Variants in PRKG1 observed in about 807,000 individuals in gnomAD.
PRKG1 encodes the protein cGMP-dependent protein kinase 1.
A neutral mutation model predicts 88.1 loss-of-function variants in PRKG1; 35 were observed. The observed-to-expected ratio is 0.40, with a 90% CI of 0.30 to 0.53. The LOEUF (loss-of-function observed/expected upper bound fraction) is 0.53, where lower values mean the gene tolerates loss of function less well. Ranked by LOEUF, PRKG1 falls within the 20% of genes least tolerant of loss-of-function variation. The pLI, the probability that PRKG1 is intolerant of heterozygous loss-of-function variation, is 0.59. For missense variants in PRKG1, 540 were observed against 839.8 expected, an observed-to-expected ratio of 0.64 and a Z score of 4.41; for synonymous variants, 303 against 292.5, an observed-to-expected ratio of 1.04 and a Z score of -0.37.
intron 9 of PRKG1, among the ~76,000 whole-genome samples, chr10:52,184,051 C>T (rs181644427): frequency 3.4e-4 from 52 of 152,272 alleles, no homozygotes; most frequent in African/African-American, 1.2e-3. Flanking sequence ...CCATGGGTGC[C>T]TCACTATTTC....
intron 5 of PRKG1, among the ~76,000 whole-genome samples, chr10:51,969,588 A>T (rs1253388424): frequency 6.6e-6 from 1 of 152,114 alleles, no homozygotes; most frequent in African/African-American, 2.4e-5. Context: ...TCCTATAGAA[A>T]AATAGCAAAA....
At chr10:52,279,468 G>T (rs975086968) in intron 12 of PRKG1, among the ~76,000 whole-genome samples, 1 of 152,090 alleles carries the variant, frequency 6.6e-6, no homozygotes, top group Non-Finnish European at 1.5e-5. Flanking sequence ...CTTAGGAAAA[G>T]CTGGTTATTT....
At position 51,138,079 on chromosome 10, in the gene PRKG1, C is replaced by T. The variant is rs569648102; in HGVS notation, c.312-15085C>T. 6.6e-5 allele frequency among the ~76,000 whole-genome samples: 10 copies of T among 152,212 alleles called. No homozygotes were observed. In the South Asian group the frequency reaches 1.4e-3, roughly 22 times the overall value. On this transcript the variant is annotated intron_variant, in intron 1 of 17. Transcript: ENST00000373980. ...TTACTTTTTACTTGTAGATTTACTC[C>T]TCATTATGTTTTCAAAAGAATGTAA...
intron 7 of PRKG1, among the ~76,000 whole-genome samples, chr10:52,089,748 C>G (rs538983165): frequency 1.1e-4 from 17 of 151,334 alleles, no homozygotes; most frequent in African/African-American, 4.1e-4. Context: ...GAAGCAGTGA[C>G]ACCCTCATAG....
chr10:51,868,426 GT>G (rs1377825345), intron 4 of PRKG1, among the ~76,000 whole-genome samples: 1 of 152,122 alleles, frequency 6.6e-6, no homozygotes, highest in African/African-American at 2.4e-5. Flanking sequence ...TGGTAGCATT[GT>G]TTGTGGCAAA....
At chr10:52,178,166 T>TTCTTAA (rs1838916209) in intron 9 of PRKG1, among the ~76,000 whole-genome samples, 1 of 152,056 alleles carries the variant, frequency 6.6e-6, no homozygotes, top group Non-Finnish European at 1.5e-5. Context: ...AATGCTTTGC[T>TTCTTAA]GTGTCCCATA....
At chr10:52,027,894 T>C (rs538753201) in intron 5 of PRKG1, among the ~76,000 whole-genome samples, 9 of 152,256 alleles carry the variant, frequency 5.9e-5, no homozygotes, top group African/African-American at 2.2e-4. Flanking sequence ...ATTCAAGTGA[T>C]TCTCCTGCCT....
intron 4 of PRKG1, among the ~76,000 whole-genome samples, chr10:51,893,222 G>T (rs1244564332): frequency 2.0e-4 from 30 of 152,070 alleles, no homozygotes; most frequent in Admixed American, 1.8e-3. Flanking sequence ...GAAGGCTGCT[G>T]TAACAGCCTT....
At chr10:52,293,263 G>C (rs1842301543) in intron 17 of PRKG1, among the ~76,000 whole-genome samples, 1 of 151,708 alleles carries the variant, frequency 6.6e-6, no homozygotes, top group Non-Finnish European at 1.5e-5. Context: ...AATAAAAGAG[G>C]AAACAAACAA....
chr10:51,998,047 A>G (rs1457678685), intron 5 of PRKG1, among the ~76,000 whole-genome samples: 3 of 152,196 alleles, frequency 2.0e-5, no homozygotes, highest in Non-Finnish European at 4.4e-5. Flanking sequence ...TGGACACTCT[A>G]TCATGTAAGG....
chr10:51,807,175 T>G (rs938345543), intron 4 of PRKG1, among the ~76,000 whole-genome samples: 6 of 152,240 alleles, frequency 3.9e-5, no homozygotes, highest in African/African-American at 1.4e-4. Context: ...AGATAGGCAC[T>G]TTATAGAACA....
intron 5 of PRKG1, among the ~76,000 whole-genome samples, chr10:52,003,944 C>T (rs1248450328): frequency 6.6e-6 from 1 of 152,074 alleles, no homozygotes; most frequent in African/African-American, 2.4e-5. Context: ...AGTCATTTAA[C>T]CTCTCTGTCA....
At chr10:51,282,082 T>C (rs1374040402) in intron 2 of PRKG1, among the ~76,000 whole-genome samples, 7 of 152,206 alleles carry the variant, frequency 4.6e-5, no homozygotes, top group African/African-American at 1.7e-4. Context: ...CACTTTGAAC[T>C]GGAGGCTCAT....
intron 5 of PRKG1, among the ~76,000 whole-genome samples, chr10:51,953,415 C>T (rs7074329): frequency 0.36 from 54,265 of 151,940 alleles, 10,223 homozygotes; most frequent in East Asian, 0.65. Context: ...CCAATTGTAG[C>T]AGTGTGCTGG....
chr10:51,170,232 G>C (rs1021892752), intron 2 of PRKG1, among the ~76,000 whole-genome samples: 2 of 151,880 alleles, frequency 1.3e-5, no homozygotes, highest in African/African-American at 4.8e-5. Flanking sequence ...TATTAACATG[G>C]TGCTTATATT....
intron 5 of PRKG1, among the ~76,000 whole-genome samples, chr10:51,984,898 A>T (rs959785972): frequency 6.6e-6 from 1 of 152,118 alleles, no homozygotes; most frequent in African/African-American, 2.4e-5. Flanking sequence ...AGTAAAGTTA[A>T]ATTTTGTTCC....
chr10:51,177,487 A>C (rs1837225927), intron 2 of PRKG1, among the ~76,000 whole-genome samples: 1 of 152,146 alleles, frequency 6.6e-6, no homozygotes, highest in South Asian at 2.1e-4. Flanking sequence ...TCTACTCTAA[A>C]GACTCCAAGC....
rs182898924 is a variant in PRKG1, at chr10:51,306,135, C to G, written c.478+152805C>G. Among the ~76,000 whole-genome samples, 462 of 152,316 alleles carry G rather than the reference C, an allele frequency of 3.0e-3. 2 individuals carry two copies. The highest frequency in any genetic ancestry group is 7.2e-3 in the African/African-American group (298 of 41,580). On this transcript the variant is annotated intron_variant, in intron 2 of 17. Coordinates refer to ENST00000373980, the MANE Select transcript of PRKG1 (RefSeq NM_006258.4). ...TGACTTATTTAGGGCCTCACAGTAA[C>G]AGAACCTGGATTGAAATTAAGTTTG...
chr10:51,337,337 G>A (rs1471372764), intron 2 of PRKG1, among the ~76,000 whole-genome samples: 1 of 152,060 alleles, frequency 6.6e-6, no homozygotes, highest in Non-Finnish European at 1.5e-5. Flanking sequence ...ATACAATTCA[G>A]GACATAGGCA....
Sources: allele counts gnomAD v4.1 joint callset (sites outside exome capture counted in the v4.1 genomes callset), GRCh38; gene constraint gnomAD v4.1.1; transcripts MANE v1.5; gene names NCBI Gene and HGNC (gene_info 2026-07-23, HGNC 2026-07-21).